The following MPP7 variants were observed in gnomAD, a reference collection of about 807,000 sequenced individuals.
The protein encoded by MPP7 is MAGUK p55 subfamily member 7.
A neutral mutation model predicts 76.5 loss-of-function variants in MPP7; 60 were observed. That is an observed-to-expected ratio of 0.78 (90% CI 0.64 to 0.97). The LOEUF is 0.97. Ranked by LOEUF, MPP7 falls within the 50% of genes least tolerant of loss-of-function variation. The pLI, the probability that MPP7 is intolerant of heterozygous loss-of-function variation, is 0.00. For missense variants in MPP7, 641 were observed against 694.0 expected (o/e 0.92, Z 0.86); for synonymous variants, 237 against 244.5 (o/e 0.97, Z 0.29).
intron 13 of MPP7, among the ~76,000 whole-genome samples, chr10:28,062,586 G>A (rs1851837862): frequency 7.8e-6 from 1 of 127,534 alleles, no homozygotes; most frequent in Admixed American, 8.0e-5. Flanking sequence ...ACACACCAAA[G>A]GTTGGCTTTA....
chr10:28,066,531 C>T (rs1042328869), intron 13 of MPP7, among the ~76,000 whole-genome samples: 3 of 152,124 alleles, frequency 2.0e-5, no homozygotes, highest in Admixed American at 6.5e-5. Flanking sequence ...CAGCAAACTA[C>T]AGTTAAACTA....
intron 11 of MPP7, among the ~76,000 whole-genome samples, chr10:28,094,119 T>C (rs1853449822): frequency 6.6e-6 from 1 of 152,166 alleles, no homozygotes; most frequent in Admixed American, 6.5e-5. Context: ...GTCATCTGAG[T>C]CTGCTCCCCG....
At position 28,058,521 on chromosome 10, in the gene MPP7, CT is replaced by C. The variant is rs757179704; in HGVS notation, c.1380del (p.Val461PhefsTer11). 1.2e-6 allele frequency: 2 copies of C among 1,601,294 alleles called. No homozygotes were observed. Among genetic ancestry groups the C allele is most frequent in the South Asian group, 2.2e-5 (2 of 88,954 alleles). On this transcript the variant is annotated frameshift_variant, in exon 15 of 17. Transcript: ENST00000683449. LOFTEE classifies it high-confidence loss of function. ...DSVRSVLAKN[K>X]VCLLDVQPHT... ...TGAGGCTGAACATCCAACAAACAAA[CT>C]TTGTTTTTAGCAAGGACAGACCGAA...
chr10:28,233,945 G>A (rs1340498116), intron 2 of MPP7, among the ~76,000 whole-genome samples: 2 of 151,272 alleles, frequency 1.3e-5, no homozygotes, highest in Non-Finnish European at 2.9e-5. Flanking sequence ...AGACAGAAGA[G>A]GGAAGAGAGA....
chr10:28,177,685 A>G (rs1289012775), intron 3 of MPP7, among the ~76,000 whole-genome samples: 1 of 152,242 alleles, frequency 6.6e-6, no homozygotes, highest in East Asian at 1.9e-4. Flanking sequence ...AAGTTGCACT[A>G]AGATGATTTT....
At chr10:28,087,260 A>G (rs1016526273) in intron 12 of MPP7, among the ~76,000 whole-genome samples, 9 of 152,206 alleles carry the variant, frequency 5.9e-5, no homozygotes, top group African/African-American at 2.2e-4. Context: ...TCAAAGCAGC[A>G]TGAGGCCCTC....
intron 1 of MPP7, among the ~76,000 whole-genome samples, chr10:28,271,266 A>T (rs1840318059): frequency 6.6e-6 from 1 of 152,180 alleles, no homozygotes; most frequent in Non-Finnish European, 1.5e-5. Flanking sequence ...TCTCTGAAAA[A>T]CATTTGTTTT....
intron 1 of MPP7, among the ~76,000 whole-genome samples, chr10:28,296,659 T>A (rs1841043926): frequency 6.6e-6 from 1 of 152,158 alleles, no homozygotes; most frequent in Non-Finnish European, 1.5e-5. Context: ...AGCTCCTAAA[T>A]TCACAGAGAA....
chr10:28,326,022 G>A (rs1056661295), intron 2 of MPP7, among the ~76,000 whole-genome samples: 2 of 150,590 alleles, frequency 1.3e-5, no homozygotes, highest in Admixed American at 6.6e-5. Flanking sequence ...AATCTGGCCT[G>A]CAGTAATTAA....
chr10:28,254,004 G>GAAAAAAAAAAAAAAAAAAA (rs199511617), intron 1 of MPP7, among the ~76,000 whole-genome samples: 1 of 92,314 alleles, frequency 1.1e-5, no homozygotes, highest in Non-Finnish European at 2.1e-5. Context: ...TCACAAAAAA[G>GAAAAAAAAAAAAAAAAAAA]AAAAAAAAAA....
chr10:28,221,484 T>C (rs908631482), intron 2 of MPP7, among the ~76,000 whole-genome samples: 1 of 152,204 alleles, frequency 6.6e-6, no homozygotes, highest in Middle Eastern at 3.2e-3. Flanking sequence ...AAATCAGTTA[T>C]GTGGTGAGGA....
intron 1 of MPP7, among the ~76,000 whole-genome samples, chr10:28,294,049 T>C (rs1840983859): frequency 6.6e-6 from 1 of 152,192 alleles, no homozygotes; most frequent in Non-Finnish European, 1.5e-5. Flanking sequence ...GGCTCACGCC[T>C]GTAATACCAG....
chr10:28,239,194 G>T lies in MPP7; in HGVS notation c.-131-459C>A, dbSNP rs12769183. On this transcript the variant is annotated intron_variant, in intron 1 of 16. Coordinates refer to ENST00000683449, the MANE Select transcript of MPP7 (RefSeq NM_001318170.2). ...GAGTCTCACTCTGTCACCCAGGCTG[G>T]AGTGCAATGGTGCGATCTGGGCTCA... 2.7e-3 allele frequency among the ~76,000 whole-genome samples: 415 copies of T among 151,252 alleles called. 2 individuals carry two copies. Among genetic ancestry groups the T allele is most frequent in the Non-Finnish European group, 4.6e-3 (314 of 67,828 alleles).
intron 1 of MPP7, among the ~76,000 whole-genome samples, chr10:28,274,096 T>A (rs1840413273): frequency 6.7e-6 from 1 of 148,392 alleles, no homozygotes; most frequent in Admixed American, 6.7e-5. Flanking sequence ...AAATAAAATT[T>A]TTTTCTTTTT....
chr10:28,213,791 CAAAAAA>C (rs575725136), intron 2 of MPP7, among the ~76,000 whole-genome samples: 2 of 58,080 alleles, frequency 3.4e-5, no homozygotes, highest in Admixed American at 1.9e-4. Flanking sequence ...GACTCTGTCT[CAAAAAA>C]AAAAAAAAAA....
chr10:28,255,383 A>G (rs565811643), intron 1 of MPP7, among the ~76,000 whole-genome samples: 4 of 151,460 alleles, frequency 2.6e-5, no homozygotes, highest in African/African-American at 9.7e-5. Context: ...AAGTGCTGAG[A>G]TAACAGGCGT....
intron 4 of MPP7, among the ~76,000 whole-genome samples, chr10:28,149,065 G>T (rs140709851): frequency 6.6e-6 from 1 of 151,984 alleles, no homozygotes; most frequent in Admixed American, 6.6e-5. Flanking sequence ...CAAATAGCAC[G>T]CAACTTGCAA....
chr10:28,179,258 A>C (rs1375265466), intron 3 of MPP7, among the ~76,000 whole-genome samples: 1 of 152,170 alleles, frequency 6.6e-6, no homozygotes, highest in African/African-American at 2.4e-5. Flanking sequence ...AAAACTTCCC[A>C]GAATCTTGGA....
intron 11 of MPP7, chr10:28,119,199 A>G (rs532733677): frequency 3.0e-6 from 1 of 338,498 alleles, no homozygotes; most frequent in African/African-American, 2.2e-5. Context: ...GGTCAGAAGT[A>G]TTATGATCTG....
Sources: allele counts gnomAD v4.1 joint callset (sites outside exome capture counted in the v4.1 genomes callset), GRCh38; gene constraint gnomAD v4.1.1; transcripts MANE v1.5; gene names NCBI Gene and HGNC (gene_info 2026-07-23, HGNC 2026-07-21).